Variants in NEO1 observed in about 807,000 individuals in gnomAD.
NEO1 encodes the protein neogenin 1.
NEO1 carries 63 observed loss-of-function variants against 159.7 expected under a neutral mutation model. The ratio of observed to expected loss-of-function variants is 0.39; its 90% confidence interval spans 0.32 to 0.49. The LOEUF (loss-of-function observed/expected upper bound fraction) is 0.49. NEO1 is among the 20% of genes least tolerant of loss of function. The probability of loss-of-function intolerance (pLI) is 0.85; values close to 1 mark genes in which losing one functional copy is unlikely to be tolerated. For synonymous variants in NEO1, 633 were observed against 662.0 expected (o/e 0.96, Z 0.67); for missense variants, 1,615 against 1,831.0 (o/e 0.88, Z 2.15).
In NEO1 at chr15:73,116,687, T is replaced by A; in HGVS notation, c.278T>A (p.Leu93Ter). Residue 93 changes from leucine (L) to a stop codon, truncating the protein, a stop_gained, in exon 2 of 29, where the codon TTA becomes TAA. Coordinates refer to ENST00000261908, the MANE Select transcript of NEO1 (RefSeq NM_002499.4). LOFTEE classifies it high-confidence loss of function. ...KIEWKKDGTFLNLVSDDRRQL... is the reference protein window; with the variant it reads ...KIEWKKDGTF ...GAATGGAAAAAAGATGGAACTTTTTTAAACTTAGTATCAGATGATCGACGC... is the reference window on the plus strand; with the variant it reads ...GAATGGAAAAAAGATGGAACTTTTTAAAACTTAGTATCAGATGATCGACGC... 1.9e-6 allele frequency: 3 copies of A among 1,614,028 alleles called. No individual in the cohort carries two copies. Among genetic ancestry groups the A allele is most frequent in the Non-Finnish European group, 1.7e-6 (2 of 1,179,934 alleles).
At chr15:73,299,865 G>A (rs2042546510) in intron 27 of NEO1, 1 of 152,198 alleles carries the variant, frequency 6.6e-6, no homozygotes, top group Non-Finnish European at 1.5e-5. Flanking sequence ...TAACAGATAT[G>A]TAATTGGAAA....
At chr15:73,257,929 C>T (rs1023671786) in intron 13 of NEO1, among the ~76,000 whole-genome samples, 3 of 152,180 alleles carry the variant, frequency 2.0e-5, no homozygotes, top group African/African-American at 7.2e-5. Flanking sequence ...AGGCATTTTG[C>T]TCCTGCCTTT....
chr15:73,116,358 A>G (rs1288049420), intron 1 of NEO1, among the ~76,000 whole-genome samples, 182 bp from the exon 2 acceptor site: 1 of 152,094 alleles, frequency 6.6e-6, no homozygotes, highest in Non-Finnish European at 1.5e-5. Flanking sequence ...AATGGCTCAA[A>G]GTTTGGTTTC....
chr15:73,221,873 T>G (rs2038290741), intron 7 of NEO1: 1 of 154,342 alleles, frequency 6.5e-6, no homozygotes, highest in Non-Finnish European at 1.4e-5. Context: ...CCTGACCCCT[T>G]GCGCTTCCTG....
intron 7 of NEO1, among the ~76,000 whole-genome samples, chr15:73,224,866 G>T (rs960523635): frequency 2.6e-5 from 4 of 151,930 alleles, no homozygotes; most frequent in African/African-American, 7.3e-5. Context: ...TTTGGGGGGG[G>T]TGTTAAAGAG....
In NEO1 at chr15:73,303,001, TTG is replaced by T. The variant is rs1445501531; in HGVS notation, c.*308_*309del. The T allele has an allele frequency of 3.1e-6, 1 of 317,502 alleles. No individual in the cohort carries two copies. Among genetic ancestry groups the T allele is most frequent in the African/African-American group, 2.1e-5 (1 of 48,300 alleles). 19.7% of individuals were successfully genotyped at this position (317,502 alleles called of 1,614,324 possible). A position where few individuals can be genotyped will look rare whatever the true frequency, so the allele number is the denominator to read the frequency against. ...CGAGAAGTGCAACCTGCATTTCACT[TTG>T]TGGTCAGGCCGTGTCTTTGTGCTGT... On this transcript the variant is annotated 3_prime_UTR_variant, in exon 29 of 29. Transcript: ENST00000261908.
intron 5 of NEO1, among the ~76,000 whole-genome samples, chr15:73,171,419 C>G (rs1444094890): frequency 6.6e-6 from 1 of 151,606 alleles, no homozygotes; most frequent in African/African-American, 2.4e-5. Context: ...AAAAAATTAG[C>G]TGGGTGTGGT....
At chr15:73,184,248 C>T (rs147691100) in intron 7 of NEO1, among the ~76,000 whole-genome samples, 5,065 of 152,204 alleles carry the variant, frequency 0.033, 129 homozygotes, top group Non-Finnish European at 0.042. Flanking sequence ...CTCCGCCTCC[C>T]GGGTTCAAGC....
chr15:73,051,793 G>C (rs896643407), upstream of NEO1: 1 of 151,890 alleles, frequency 6.6e-6, no homozygotes, highest in South Asian at 2.1e-4. Flanking sequence ...TATTGTTTTT[G>C]GCGAGCACAT....
chr15:73,075,227 C>G (rs2068713916), intron 1 of NEO1, among the ~76,000 whole-genome samples: 1 of 152,128 alleles, frequency 6.6e-6, no homozygotes, highest in Non-Finnish European at 1.5e-5. Flanking sequence ...AGCCTTTTAT[C>G]TAGCAGGGAT....
At chr15:73,068,229 C>CA (rs1567121029) in intron 1 of NEO1, among the ~76,000 whole-genome samples, 6 of 112,932 alleles carry the variant, frequency 5.3e-5, no homozygotes, top group Admixed American at 9.9e-5. Context: ...CCCTACCCCC[C>CA]CCCCTTTTTT....
At chr15:73,178,195 G>A (rs2151957837) in intron 6 of NEO1, 112 bp from the exon 7 acceptor site, 1 of 958,632 alleles carries the variant, frequency 1.0e-6, no homozygotes, top group Admixed American at 2.7e-5. Flanking sequence ...TTAATAATTG[G>A]ATCATAAAAA....
At chr15:73,075,768 C>A (rs1027786958) in intron 1 of NEO1, among the ~76,000 whole-genome samples, 2 of 152,106 alleles carry the variant, frequency 1.3e-5, no homozygotes, top group African/African-American at 4.8e-5. Flanking sequence ...ATTGTTTAAT[C>A]TGTGTGCTTG....
intron 15 of NEO1, among the ~76,000 whole-genome samples, chr15:73,262,729 G>A (rs542996818): frequency 1.8e-4 from 27 of 152,232 alleles, no homozygotes; most frequent in African/African-American, 5.3e-4. Flanking sequence ...AATCCCACAC[G>A]TAGATAATTA....
At chr15:73,279,963 A>G (rs929620911) in intron 22 of NEO1, among the ~76,000 whole-genome samples, 3 of 152,356 alleles carry the variant, frequency 2.0e-5, no homozygotes, top group Middle Eastern at 3.4e-3. Flanking sequence ...AAACTCAAGT[A>G]CCAGTGCTAA....
At chr15:73,234,474 CAT>C (rs2039070130) in intron 7 of NEO1, among the ~76,000 whole-genome samples, 1 of 152,158 alleles carries the variant, frequency 6.6e-6, no homozygotes, top group African/African-American at 2.4e-5. Context: ...CAGCCTACCT[CAT>C]AGGGTTATTG....
intron 4 of NEO1, among the ~76,000 whole-genome samples, chr15:73,127,230 C>CAA (rs762924676): frequency 1.6e-5 from 2 of 125,222 alleles, no homozygotes; most frequent in Non-Finnish European, 1.7e-5. Context: ...GACGCCGTCT[C>CAA]AAAAAAAAAA....
At chr15:73,181,169 G>GGAAATAAAATA in intron 7 of NEO1, among the ~76,000 whole-genome samples, 1 of 152,256 alleles carries the variant, frequency 6.6e-6, no homozygotes, top group East Asian at 1.9e-4. Context: ...GGATCAATAT[G>GGAAATAAAATA]GAAATAAAAT....
chr15:73,072,596 G>C (rs1318562600), intron 1 of NEO1, among the ~76,000 whole-genome samples: 1 of 152,134 alleles, frequency 6.6e-6, no homozygotes, highest in Non-Finnish European at 1.5e-5. Flanking sequence ...GATAGGGTAG[G>C]AATACATGTA....
Sources: gnomAD v4.1 joint callset for allele counts (sites outside exome capture counted in the v4.1 genomes callset) on GRCh38, gnomAD v4.1.1 for gene constraint, MANE v1.5 for transcripts, NCBI Gene and HGNC (gene_info 2026-07-23, HGNC 2026-07-21) for gene names.